The following E2F7 variants were observed in gnomAD, a reference collection of about 807,000 sequenced individuals.
E2F7 encodes the protein E2F transcription factor 7, also known as transcription factor E2F7.
In E2F7, 35 loss-of-function variants were observed where a neutral mutation model predicts 81.1. The ratio of observed to expected loss-of-function variants is 0.43; its 90% CI spans 0.33 to 0.57. The LOEUF is 0.57. Among genes scored for constraint, E2F7 ranks in the 20% least tolerant of loss-of-function variants. E2F7 has a pLI of 0.04. For synonymous variants in E2F7, 416 were observed against 416.2 expected (o/e 1.00, Z 0.01); for missense variants, 961 against 1,093.7 (o/e 0.88, Z 1.71).
intron 2 of E2F7, among the ~76,000 whole-genome samples, chr12:77,063,775 TTGATGC>T (rs1955096734): frequency 6.6e-6 from 1 of 152,232 alleles, no homozygotes; most frequent in African/African-American, 2.4e-5. Flanking sequence ...AGTTTCACTG[TTGATGC>T]TAAGCCTAAA....
At chr12:77,054,612 C>T (rs932132729) in intron 3 of E2F7, among the ~76,000 whole-genome samples, 4 of 152,206 alleles carry the variant, frequency 2.6e-5, no homozygotes, top group Admixed American at 6.5e-5. Context: ...TCGCTAAAAT[C>T]TCTCTATAAA....
rs1160738247 is a variant in E2F7, at chr12:77,023,922, A to T, written c.*93T>A. 2 of 1,424,690 alleles carry T rather than the reference A, an allele frequency of 1.4e-6. No individual in the cohort carries two copies. The highest frequency in any genetic ancestry group is 2.9e-5 in the African/African-American group (2 of 69,814). The allele number at this position is 1,424,690 out of a possible 1,614,324, so 88.3% of individuals were successfully genotyped here. A position where few individuals can be genotyped will look rare whatever the true frequency, so the allele number is the denominator to read the frequency against. ...AGTGTGGATGAAAGAGAGAGGAAGG[A>T]CCCGTGCTCAGGACGGGATGGTTTG... On this transcript the variant is annotated 3_prime_UTR_variant, in exon 13 of 13. Coordinates refer to ENST00000322886, the MANE Select transcript of E2F7 (RefSeq NM_203394.3).
chr12:77,031,953 C>T (rs554647788), intron 9 of E2F7, among the ~76,000 whole-genome samples: 2 of 152,296 alleles, frequency 1.3e-5, no homozygotes, highest in East Asian at 3.9e-4. Context: ...CCACCTTCAA[C>T]TTCTCCATCT....
rs188037550 is a variant in E2F7, at chr12:77,063,619, C to T, written c.93+924G>A. Among the ~76,000 whole-genome samples, 333 of 152,246 alleles carry T rather than the reference C, an allele frequency of 2.2e-3. 2 individuals carry two copies. Among genetic ancestry groups the T allele is most frequent in the Admixed American group, 3.4e-3 (52 of 15,296 alleles). ...GTGGATAAGGGGAACTACTGTATTT[C>T]TTTACCTAATAAAAATAAATCAAAA... is the stretch of plus-strand genomic sequence containing the variant. On this transcript the variant is annotated intron_variant, in intron 2 of 12. Transcript: ENST00000322886.
intron 4 of E2F7, among the ~76,000 whole-genome samples, chr12:77,048,460 C>T (rs1954960954): frequency 6.6e-6 from 1 of 152,204 alleles, no homozygotes. Flanking sequence ...TATTAAGTCA[C>T]TTCCAGTTCT....
Position 77,030,158 on chromosome 12 carries a change from A to C in E2F7, c.1557T>G (p.Asn519Lys), listed in dbSNP as rs776544116. ...AAGCAAGTGAGACATCCACTTGTCC[A>C]TTCAGACCGTTCTGCATGGAGAATG... ...LQAFSMQNGL[N>K]GQVDVSLASA... Residue 519 changes from asparagine (N) to lysine (K), a missense_variant, in exon 10 of 13, where the codon AAT (asparagine) becomes AAG (lysine). By Grantham distance (94) the Asn-to-Lys change is moderately conservative (BLOSUM62 0). Around this residue, in one of 3 missense-constraint regions of E2F7, gnomAD observed 587 missense variants for 620.3 expected, o/e 0.95. Coordinates refer to ENST00000322886, the MANE Select transcript of E2F7 (RefSeq NM_203394.3). The C allele has an allele frequency of 5.6e-6, 9 of 1,614,098 alleles. No homozygotes were observed. Among genetic ancestry groups the C allele is most frequent in the Non-Finnish European group, 7.6e-6 (9 of 1,180,036 alleles).
intron 4 of E2F7, among the ~76,000 whole-genome samples, chr12:77,049,506 G>A (rs1359471498): frequency 6.6e-6 from 1 of 152,160 alleles, no homozygotes; most frequent in Non-Finnish European, 1.5e-5. Flanking sequence ...TGCAAGGTAG[G>A]TGCTGCAGTT....
intron 2 of E2F7, among the ~76,000 whole-genome samples, chr12:77,061,523 C>T (rs948252955): frequency 6.6e-6 from 1 of 152,224 alleles, no homozygotes; most frequent in Non-Finnish European, 1.5e-5. Flanking sequence ...TTGGCCCAGA[C>T]TGTTTTCCAC....
At chr12:77,046,588 C>A (rs1323121535) in intron 4 of E2F7, among the ~76,000 whole-genome samples, 1 of 152,244 alleles carries the variant, frequency 6.6e-6, no homozygotes, top group Non-Finnish European at 1.5e-5. Context: ...ATCTGTCTGA[C>A]AAACAGTACA....
intron 9 of E2F7, among the ~76,000 whole-genome samples, chr12:77,031,108 C>T (rs1449943284): frequency 6.6e-6 from 1 of 152,180 alleles, no homozygotes; most frequent in Non-Finnish European, 1.5e-5. Flanking sequence ...CAGGGTGGCT[C>T]ATGCCTCCTG....
chr12:77,056,888 C>CTTTT (rs35865722), intron 2 of E2F7, among the ~76,000 whole-genome samples: 2 of 145,804 alleles, frequency 1.4e-5, no homozygotes, highest in African/African-American at 2.5e-5. Context: ...ATTTTTCTTA[C>CTTTT]TTTTTTTTTT....
intron 10 of E2F7, among the ~76,000 whole-genome samples, chr12:77,028,976 G>C (rs141684427): frequency 6.6e-6 from 1 of 152,174 alleles, no homozygotes; most frequent in African/African-American, 2.4e-5. Context: ...TGGAAAACTG[G>C]CCATGGTGGT....
chr12:77,039,537 T>G (rs187919096), intron 7 of E2F7, among the ~76,000 whole-genome samples: 13 of 152,298 alleles, frequency 8.5e-5, no homozygotes, highest in East Asian at 5.8e-4. Context: ...CCAAGGAAGA[T>G]AAACAGATGG....
In E2F7 at chr12:77,028,100, A is replaced by G. The variant is rs1435057942; in HGVS notation, c.1923T>C (p.Thr641=). Residue 641 remains threonine (T), a synonymous_variant, in exon 11 of 13, where the codon ACT becomes ACC. Coordinates refer to ENST00000322886, the MANE Select transcript of E2F7 (RefSeq NM_203394.3). ...SDSTDLASPK[T]MGNRASIPLK... ...GGGGTATAGATGCCCTGTTACCCAT[A>G]GTCTTGGGAGAGGCAAGGTCTGTGG... is the stretch of plus-strand genomic sequence containing the variant. 6.2e-7 allele frequency: 1 copy of G among 1,614,202 alleles called. No individual in the cohort carries two copies. Among genetic ancestry groups the G allele is most frequent in the Admixed American group, 1.7e-5 (1 of 60,018 alleles).
chr12:77,044,964 G>A (rs560597486), intron 5 of E2F7, among the ~76,000 whole-genome samples, 169 bp from the exon 6 acceptor site: 1 of 152,334 alleles, frequency 6.6e-6, no homozygotes, highest in Non-Finnish European at 1.5e-5. Flanking sequence ...AGGAAGAAAT[G>A]AGGCAGATTT....
intron 2 of E2F7, among the ~76,000 whole-genome samples, chr12:77,061,669 C>T (rs554600711): frequency 1.5e-4 from 23 of 152,320 alleles, no homozygotes; most frequent in East Asian, 3.9e-4. Context: ...ACAGTACTTA[C>T]AGACCTTGAC....
At chr12:77,061,509 C>T (rs1048656483) in intron 2 of E2F7, among the ~76,000 whole-genome samples, 1 of 152,216 alleles carries the variant, frequency 6.6e-6, no homozygotes, top group African/African-American at 2.4e-5. Context: ...CTCTCCTAGC[C>T]TCTTTGGCCC....
chr12:77,022,164 A>G lies in E2F7; in HGVS notation c.*1851T>C, dbSNP rs955754972. 2 of 152,230 alleles carry G rather than the reference A, an allele frequency of 1.3e-5. No individual in the cohort carries two copies. The highest frequency in any genetic ancestry group is 6.5e-5 in the Admixed American group (1 of 15,284). The allele number at this position is 152,230 out of a possible 1,614,324, so 9.4% of individuals were successfully genotyped here. On this transcript the variant is annotated 3_prime_UTR_variant, in exon 13 of 13. Transcript: ENST00000322886. Reference sequence around the variant, plus strand: ...AAATATTTTGTGGAAGTTCTTAAGCATGGTAGAATTAACATGCATATACCC... The same window carrying G: ...AAATATTTTGTGGAAGTTCTTAAGCGTGGTAGAATTAACATGCATATACCC...
chr12:77,064,560 CATCTTCAACTGCAAA>C lies in E2F7; in HGVS notation c.61_75del (p.Phe21_Asp25del). On this transcript the variant is annotated inframe_deletion, in exon 2 of 13. Transcript: ENST00000322886. Reference sequence around the variant, plus strand: ...TTGCTTACCTTTTGTGCATTTTCCCCATCTTCAACTGCAAAATCTAGTCTGGGCTGCCTGGGGCTG... The same window carrying C: ...TTGCTTACCTTTTGTGCATTTTCCCCATCTAGTCTGGGCTGCCTGGGGCTG... 1 of 1,614,042 alleles carries C rather than the reference CATCTTCAACTGCAAA, an allele frequency of 6.2e-7. No homozygotes were observed. The highest frequency in any genetic ancestry group is 8.5e-7 in the Non-Finnish European group (1 of 1,179,960).
Sources: gnomAD v4.1 joint callset for allele counts (sites outside exome capture counted in the v4.1 genomes callset) on GRCh38, gnomAD v4.1.1 for gene constraint, gnomAD v4.1.1 regional missense constraint, MANE v1.5 for transcripts, NCBI Gene and HGNC (gene_info 2026-07-23, HGNC 2026-07-21) for gene names.